The following XPR1 variants were observed in gnomAD, a reference collection of about 807,000 sequenced individuals.
XPR1 encodes xenotropic and polytropic retrovirus receptor 1, also known as solute carrier family 53 member 1.
A neutral mutation model predicts 87.5 loss-of-function variants in XPR1; 28 were observed. The observed-to-expected ratio is 0.32, with a 90% CI of 0.24 to 0.44. The LOEUF (loss-of-function observed/expected upper bound fraction) is 0.44. Ranked by LOEUF, XPR1 falls within the 20% of genes least tolerant of loss-of-function variation. The pLI, the probability that XPR1 is intolerant of heterozygous loss-of-function variation, is 1.00. For synonymous variants in XPR1, 300 were observed against 306.1 expected (o/e 0.98, Z 0.21); for missense variants, 559 against 862.3 (o/e 0.65, Z 4.41).
intron 2 of XPR1, among the ~76,000 whole-genome samples, chr1:180,694,104 C>T (rs1657084447): frequency 6.6e-6 from 1 of 152,068 alleles, no homozygotes; most frequent in Non-Finnish European, 1.5e-5. Context: ...ACTACAGGCG[C>T]ATGCCAGTGT....
At chr1:180,706,346 A>C (rs554034633) in intron 2 of XPR1, among the ~76,000 whole-genome samples, 1 of 152,172 alleles carries the variant, frequency 6.6e-6, no homozygotes, top group African/African-American at 2.4e-5. Context: ...TTCCGGCTCT[A>C]CTTTTTAAAA....
chr1:180,741,080 C>T (rs1658906337), intron 2 of XPR1, among the ~76,000 whole-genome samples: 1 of 152,080 alleles, frequency 6.6e-6, no homozygotes, highest in African/African-American at 2.4e-5. Flanking sequence ...TATAATACCT[C>T]CTTCTATTTT....
chr1:180,822,077 C>T (rs939902086), intron 7 of XPR1, among the ~76,000 whole-genome samples: 2 of 152,202 alleles, frequency 1.3e-5, no homozygotes, highest in African/African-American at 4.8e-5. Context: ...CCCTTGTAGT[C>T]TGTTCACTTA....
intron 3 of XPR1, among the ~76,000 whole-genome samples, chr1:180,795,831 G>A (rs59077359): frequency 0.055 from 8,412 of 152,044 alleles, 316 homozygotes; most frequent in Non-Finnish European, 0.079. Flanking sequence ...ATTTTGAGAC[G>A]GAGTCTTGCT....
chr1:180,737,616 C>T (rs770252119), intron 2 of XPR1, among the ~76,000 whole-genome samples: 3 of 152,188 alleles, frequency 2.0e-5, no homozygotes, highest in Non-Finnish European at 4.4e-5. Context: ...GTTATACACT[C>T]CTCCTATGCA....
intron 2 of XPR1, among the ~76,000 whole-genome samples, chr1:180,695,408 TTGTGTGTGTG>T (rs1205037869): frequency 4.0e-5 from 6 of 148,544 alleles, no homozygotes; most frequent in Non-Finnish European, 6.0e-5. Flanking sequence ...GTAGTCCCAT[TTGTGTGTGTG>T]TGTGTGTGTG....
chr1:180,742,849 T>C (rs1245948971), intron 2 of XPR1, among the ~76,000 whole-genome samples: 1 of 151,926 alleles, frequency 6.6e-6, no homozygotes, highest in African/African-American at 2.4e-5. Flanking sequence ...AAAGTAATGA[T>C]TTTTTTTGAT....
intron 1 of XPR1, among the ~76,000 whole-genome samples, chr1:180,679,300 A>G (rs1656479667): frequency 1.3e-5 from 2 of 152,112 alleles, no homozygotes; most frequent in Admixed American, 6.6e-5. Context: ...GGTTCTGGGG[A>G]GGGACCTTTT....
At chr1:180,691,577 G>C (rs1242653828) in intron 2 of XPR1, among the ~76,000 whole-genome samples, 2 of 152,094 alleles carry the variant, frequency 1.3e-5, no homozygotes, top group Non-Finnish European at 2.9e-5. Flanking sequence ...ACTAGTCTCT[G>C]TTTTTCTGCC....
At chr1:180,838,943 A>G (rs372120373) in intron 11 of XPR1, among the ~76,000 whole-genome samples, 4 of 152,238 alleles carry the variant, frequency 2.6e-5, no homozygotes, top group South Asian at 4.1e-4. Flanking sequence ...TCAAAGCAAC[A>G]TTACAAATGT....
intron 11 of XPR1, among the ~76,000 whole-genome samples, chr1:180,853,545 A>T (rs1398049962): frequency 6.6e-6 from 1 of 150,854 alleles, no homozygotes; most frequent in African/African-American, 2.4e-5. Flanking sequence ...ATTAAGTTTG[A>T]GATCTTCCTT....
At chr1:180,745,374 G>A (rs768656365) in intron 2 of XPR1, among the ~76,000 whole-genome samples, 19 of 152,208 alleles carry the variant, frequency 1.2e-4, no homozygotes, top group African/African-American at 4.1e-4. Context: ...GAGAGAGCAC[G>A]AGTGAGCAAG....
intron 2 of XPR1, among the ~76,000 whole-genome samples, chr1:180,717,771 T>G (rs1658047486): frequency 6.6e-6 from 1 of 152,174 alleles, no homozygotes; most frequent in African/African-American, 2.4e-5. Flanking sequence ...AGCTTGAAAT[T>G]GGCCATGATA....
At chr1:180,782,149 T>A (rs958348267) in intron 2 of XPR1, among the ~76,000 whole-genome samples, 17 of 152,032 alleles carry the variant, frequency 1.1e-4, no homozygotes, top group Non-Finnish European at 2.2e-4. Context: ...TTTTTTATTT[T>A]TTTTCTCTCG....
intron 1 of XPR1, among the ~76,000 whole-genome samples, chr1:180,655,505 A>T (rs545493768): frequency 6.7e-6 from 1 of 150,024 alleles, no homozygotes; most frequent in Admixed American, 6.7e-5. Flanking sequence ...GACTCAGCCT[A>T]TCCTCCCACC....
At chr1:180,703,231 G>GA (rs1182005329) in intron 2 of XPR1, among the ~76,000 whole-genome samples, 9 of 152,098 alleles carry the variant, frequency 5.9e-5, no homozygotes, top group African/African-American at 2.2e-4. Flanking sequence ...GGCATGTGTG[G>GA]ATGCCAGCAG....
intron 1 of XPR1, among the ~76,000 whole-genome samples, chr1:180,666,033 A>G (rs757432156): frequency 6.6e-6 from 1 of 151,972 alleles, no homozygotes; most frequent in African/African-American, 2.4e-5. Flanking sequence ...TAGATATCCA[A>G]TTTTCCCAGT....
At chr1:180,669,485 C>G (rs1003833748) in intron 1 of XPR1, among the ~76,000 whole-genome samples, 1 of 152,056 alleles carries the variant, frequency 6.6e-6, no homozygotes, top group Non-Finnish European at 1.5e-5. Flanking sequence ...CGGGTTCAAG[C>G]AATTCTCCTA....
chr1:180,825,017 C>G (rs1650778077), intron 8 of XPR1, 74 bp downstream of exon 8: 1 of 1,524,388 alleles, frequency 6.6e-7, no homozygotes, highest in Non-Finnish European at 8.8e-7. Context: ...TTAGTGGGTA[C>G]TTAAATCCAT....
Sources: gnomAD v4.1 joint callset for allele counts (sites outside exome capture counted in the v4.1 genomes callset) on GRCh38, gnomAD v4.1.1 for gene constraint, MANE v1.5 for transcripts, NCBI Gene and HGNC (gene_info 2026-07-23, HGNC 2026-07-21) for gene names.